Variants in VOPP1 observed in about 807,000 individuals in gnomAD.
VOPP1 encodes the protein WW domain binding protein VOPP1.
In VOPP1, 8 loss-of-function variants were observed where a neutral mutation model predicts 23.5. The observed-to-expected ratio is 0.34, with a 90% CI of 0.20 to 0.61. VOPP1 has a LOEUF of 0.61. Ranked by LOEUF, VOPP1 falls within the 20% of genes least tolerant of loss-of-function variation. The probability of loss-of-function intolerance (pLI) is 0.78; values close to 1 mark genes in which losing one functional copy is unlikely to be tolerated. For synonymous variants in VOPP1, 83 were observed against 97.3 expected, an observed-to-expected ratio of 0.85 and a Z score of 0.86; for missense variants, 174 against 238.1, an observed-to-expected ratio of 0.73 and a Z score of 1.77.
chr7:55,491,257 C>T (rs1319167557), intron 4 of VOPP1, among the ~76,000 whole-genome samples: 1 of 152,202 alleles, frequency 6.6e-6, no homozygotes, highest in Non-Finnish European at 1.5e-5. Context: ...ACCCTCTTAG[C>T]AAAATTTTAA....
At chr7:55,465,583 C>A (rs1791612384) in intron 4 of VOPP1, among the ~76,000 whole-genome samples, 1 of 152,184 alleles carries the variant, frequency 6.6e-6, no homozygotes, top group Non-Finnish European at 1.5e-5. Context: ...TCCCACTGTG[C>A]TTCAACTTCT....
intron 1 of VOPP1, among the ~76,000 whole-genome samples, chr7:55,556,404 T>C (rs934916758): frequency 2.0e-5 from 3 of 152,188 alleles, no homozygotes; most frequent in Non-Finnish European, 4.4e-5. Flanking sequence ...TCTTCCAAAT[T>C]TCCACATTCT....
chr7:55,557,513 T>C (rs1797850440), intron 1 of VOPP1, among the ~76,000 whole-genome samples: 1 of 151,872 alleles, frequency 6.6e-6, no homozygotes, highest in South Asian at 2.1e-4. Context: ...AAGAAGGCTC[T>C]TATGTCTGTT....
At chr7:55,449,479 C>A (rs1791186800) in intron 4 of VOPP1, among the ~76,000 whole-genome samples, 1 of 152,232 alleles carries the variant, frequency 6.6e-6, no homozygotes, top group Non-Finnish European at 1.5e-5. Flanking sequence ...CAGGCCCAGG[C>A]CTGCACTACG....
chr7:55,560,080 G>A (rs749190393), intron 1 of VOPP1, among the ~76,000 whole-genome samples: 7 of 152,204 alleles, frequency 4.6e-5, no homozygotes, highest in South Asian at 4.1e-4. Context: ...TTGAACCTGG[G>A]AGGCAGAGGT....
chr7:55,502,887 G>C (rs1794465653), intron 2 of VOPP1, among the ~76,000 whole-genome samples: 1 of 152,220 alleles, frequency 6.6e-6, no homozygotes, highest in Non-Finnish European at 1.5e-5. Flanking sequence ...CTGTGTGCCA[G>C]ATGTATAAAC....
At chr7:55,456,349 G>A (rs1034106203) in intron 4 of VOPP1, among the ~76,000 whole-genome samples, 1 of 152,218 alleles carries the variant, frequency 6.6e-6, no homozygotes, top group African/African-American at 2.4e-5. Context: ...CACTGTTGGT[G>A]GAAGTGTAAA....
intron 1 of VOPP1, among the ~76,000 whole-genome samples, chr7:55,562,656 GAAGT>G (rs1798027297): frequency 6.6e-6 from 1 of 152,188 alleles, no homozygotes. Context: ...ATGATGGGTA[GAAGT>G]AAGGAGGAAT....
At chr7:55,443,074 G>A (rs186529035) in intron 4 of VOPP1, among the ~76,000 whole-genome samples, 100 of 150,482 alleles carry the variant, frequency 6.6e-4, no homozygotes, top group African/African-American at 2.4e-3. Flanking sequence ...AACCTAGATC[G>A]TGCCACTGAA....
intron 3 of VOPP1, among the ~76,000 whole-genome samples, chr7:55,493,407 G>A (rs1394283587): frequency 6.6e-6 from 1 of 152,238 alleles, no homozygotes; most frequent in East Asian, 1.9e-4. Context: ...GCAGTCAGTG[G>A]CACTGGTCCA....
At chr7:55,452,644 GC>G (rs1791273211) in intron 4 of VOPP1, among the ~76,000 whole-genome samples, 4 of 152,182 alleles carry the variant, frequency 2.6e-5, no homozygotes, top group Admixed American at 2.6e-4. Context: ...GTGTTAGCAG[GC>G]ATGAAAACAA....
intron 4 of VOPP1, among the ~76,000 whole-genome samples, chr7:55,452,555 C>A (rs1415330560): frequency 6.6e-6 from 1 of 152,140 alleles, no homozygotes; most frequent in East Asian, 1.9e-4. Flanking sequence ...ACAGCTATAG[C>A]CTTACAAAAT....
At chr7:55,523,824 C>T (rs1796016212) in intron 1 of VOPP1, among the ~76,000 whole-genome samples, 1 of 152,042 alleles carries the variant, frequency 6.6e-6, no homozygotes, top group African/African-American at 2.4e-5. Context: ...AAATGCTTAC[C>T]CGTGGAGGGT....
chr7:55,553,203 G>A (rs1797682154), intron 1 of VOPP1, among the ~76,000 whole-genome samples: 1 of 152,194 alleles, frequency 6.6e-6, no homozygotes, highest in Admixed American at 6.5e-5. Context: ...AGGCATTGTT[G>A]GAAAGGAGCT....
chr7:55,468,275 AAAAAAAAAAAAAAG>A (rs1460759206), downstream of VOPP1, among the ~76,000 whole-genome samples: 3 of 150,982 alleles, frequency 2.0e-5, no homozygotes, highest in Non-Finnish European at 3.0e-5. Flanking sequence ...GTCTCAGAAA[AAAAAAAAAAAAAAG>A]AAAAAAAAAG....
At chr7:55,501,730 G>C (rs762849884) in intron 2 of VOPP1, among the ~76,000 whole-genome samples, 1 of 152,118 alleles carries the variant, frequency 6.6e-6, no homozygotes, top group African/African-American at 2.4e-5. Context: ...TCCTCTGCAC[G>C]TGCTGATGGT....
At chr7:55,524,610 C>G (rs1007386650) in intron 1 of VOPP1, among the ~76,000 whole-genome samples, 1 of 152,174 alleles carries the variant, frequency 6.6e-6, no homozygotes, top group Admixed American at 6.5e-5. Flanking sequence ...TCTCATTATT[C>G]AACTGAAAAA....
intron 2 of VOPP1, among the ~76,000 whole-genome samples, chr7:55,505,808 T>C (rs1442795856): frequency 3.3e-5 from 5 of 152,108 alleles, no homozygotes; most frequent in Admixed American, 2.0e-4. Flanking sequence ...ATTAGAGACA[T>C]TTCTTCTATG....
chr7:55,513,606 G>C lies in VOPP1; in HGVS notation c.113+7466C>G, dbSNP rs1386417332. ...ATGTGACAGCCAGAGATGTGACCTA[G>C]TCATGCAAAAGACCTCTAAAGATGC... is the stretch of plus-strand genomic sequence containing the variant. On this transcript the variant is annotated intron_variant, in intron 2 of 4. Transcript: ENST00000285279. Among the ~76,000 whole-genome samples the C allele has an allele frequency of 3.9e-5, 6 of 152,278 alleles. No individual in the cohort carries two copies. In the South Asian group the frequency reaches 6.2e-4, roughly 16 times the overall value.
Sources: allele counts gnomAD v4.1 joint callset (sites outside exome capture counted in the v4.1 genomes callset), GRCh38; gene constraint gnomAD v4.1.1; transcripts MANE v1.5; gene names NCBI Gene and HGNC (gene_info 2026-07-23, HGNC 2026-07-21).